GIGYF2: variants seen among roughly 807,000 people sequenced by gnomAD.
GIGYF2 encodes GRB10 interacting GYF protein 2, also known as GRB10-interacting GYF protein 2.
A neutral mutation model predicts 208.1 loss-of-function variants in GIGYF2; 25 were observed. The observed-to-expected ratio is 0.12, with a 90% CI of 0.09 to 0.17. GIGYF2 has a LOEUF of 0.17. Ranked by LOEUF, GIGYF2 falls within the 10% of genes least tolerant of loss-of-function variation. The probability of loss-of-function intolerance (pLI) is 1.00; values close to 1 mark genes in which losing one functional copy is unlikely to be tolerated. For missense variants in GIGYF2, 1,302 were observed against 1,579.4 expected (o/e 0.82, Z 2.98); for synonymous variants, 534 against 543.8 (o/e 0.98, Z 0.25).
chr2:232,813,460 G>A (rs1448662397), intron 18 of GIGYF2, among the ~76,000 whole-genome samples: 1 of 152,166 alleles, frequency 6.6e-6, no homozygotes, highest in Non-Finnish European at 1.5e-5. Context: ...GCCCACCTTG[G>A]CCTCCCAAAG....
At chr2:232,747,521 T>G in intron 3 of GIGYF2, 94 bp from the exon 4 acceptor site, 2 of 1,363,982 alleles carry the variant, frequency 1.5e-6, no homozygotes, top group Non-Finnish European at 2.1e-6. Context: ...TTTGCTCTTC[T>G]AAAGAACTAA....
At chr2:232,771,196 A>T in intron 8 of GIGYF2, 1 of 1,613,434 alleles carries the variant, frequency 6.2e-7, no homozygotes, top group Non-Finnish European at 8.5e-7. Flanking sequence ...GACCAACATC[A>T]TCCAACGCCA....
intron 5 of GIGYF2, among the ~76,000 whole-genome samples, chr2:232,754,027 T>C (rs113295311): frequency 0.19 from 28,917 of 151,988 alleles, 2,995 homozygotes; most frequent in Non-Finnish European, 0.22. Flanking sequence ...TAGCCAGGCA[T>C]GGTGGCATGC....
At chr2:232,782,869 A>G (rs577917599) in intron 8 of GIGYF2, 1 of 152,300 alleles carries the variant, frequency 6.6e-6, no homozygotes, top group South Asian at 2.1e-4. Context: ...GGAAGGGCTG[A>G]TTGGGAGGAC....
intron 8 of GIGYF2, among the ~76,000 whole-genome samples, chr2:232,785,299 A>G (rs1237553834): frequency 6.6e-6 from 1 of 152,148 alleles, no homozygotes; most frequent in Non-Finnish European, 1.5e-5. Flanking sequence ...GGGAATCTAG[A>G]AGCAGCTTAG....
In GIGYF2 at chr2:232,764,442, A is replaced by T. The variant is rs141120196; in HGVS notation, c.532+3006A>T. 3 of 152,458 alleles carry T rather than the reference A, an allele frequency of 2.0e-5. No individual in the cohort carries two copies. In the East Asian group the frequency reaches 5.8e-4, roughly 29 times the overall value. 9.4% of individuals were successfully genotyped at this position (152,458 alleles called of 1,614,324 possible). A position where few individuals can be genotyped will look rare whatever the true frequency, so the allele number is the denominator to read the frequency against. The stretch of plus-strand genomic sequence containing the variant: ...CTGGGACCACCCCTTGAAAGGGTCC[A>T]CACATTTGAGTAGGAGGGCTGGGGC... On this transcript the variant is annotated intron_variant, in intron 8 of 28. Transcript: ENST00000373563.
At chr2:232,813,187 CTT>C (rs894736273) in intron 18 of GIGYF2, among the ~76,000 whole-genome samples, 1,643 of 123,840 alleles carry the variant, frequency 0.013, 19 homozygotes, top group African/African-American at 0.046. Context: ...TCTTTGCTTT[CTT>C]TTTTTTTTTT....
At chr2:232,809,170 C>T (rs1458098500) in intron 15 of GIGYF2, among the ~76,000 whole-genome samples, 1 of 152,090 alleles carries the variant, frequency 6.6e-6, no homozygotes, top group Non-Finnish European at 1.5e-5. Flanking sequence ...ATCTCAATCC[C>T]CTGACCTCAT....
At chr2:232,831,524 A>T (rs1701424821) in intron 21 of GIGYF2, among the ~76,000 whole-genome samples, 1 of 152,222 alleles carries the variant, frequency 6.6e-6, no homozygotes, top group South Asian at 2.1e-4. Flanking sequence ...TGATGAATAT[A>T]CAAGAAGTAA....
rs768299075 is a variant in GIGYF2, at chr2:232,799,282, G to A, written c.1639+3061G>A. On this transcript the variant is annotated intron_variant, in intron 14 of 28. Transcript: ENST00000373563. The stretch of plus-strand genomic sequence containing the variant: ...CTATGGGCCAGGTGTGGTGGTTCAC[G>A]CCTGTAATTCTGACCCTTTGGGAGG... Among the ~76,000 whole-genome samples, 58 of 151,992 alleles carry A rather than the reference G, an allele frequency of 3.8e-4. 2 individuals carry two copies. The Middle Eastern group carries it at 0.02, about 53-fold the overall frequency.
intron 22 of GIGYF2, among the ~76,000 whole-genome samples, chr2:232,833,567 A>G (rs1280478252): frequency 6.6e-6 from 1 of 152,242 alleles, no homozygotes. Flanking sequence ...AGAGAGGAGT[A>G]AACAAGAGGA....
At chr2:232,765,679 AT>A (rs1698926713) in intron 8 of GIGYF2, 1 of 189,024 alleles carries the variant, frequency 5.3e-6, no homozygotes, top group Admixed American at 5.7e-5. Context: ...TTATTAAAAA[AT>A]AATCCATATG....
intron 6 of GIGYF2, among the ~76,000 whole-genome samples, chr2:232,759,852 T>C (rs1698678505): frequency 6.6e-6 from 1 of 152,160 alleles, no homozygotes. Flanking sequence ...TCTCAATCCC[T>C]ATGCCCAGAC....
rs1317890396 is a variant in GIGYF2, at chr2:232,761,405, A to G, written c.501A>G (p.Arg167=). 6.2e-6 allele frequency: 10 copies of G among 1,604,086 alleles called. No homozygotes were observed. Among genetic ancestry groups the G allele is most frequent in the Non-Finnish European group, 7.7e-6 (9 of 1,171,022 alleles). Residue 167 remains arginine, a synonymous_variant, in exon 8 of 29, where the codon AGA becomes AGG. Transcript: ENST00000373563. ...ATTTTTTCTTTTCCAGGGGTGACAGACGTTTTGAAAAACCAGGACGAAAAG... is the reference window on the plus strand; with the variant it reads ...ATTTTTTCTTTTCCAGGGGTGACAGGCGTTTTGAAAAACCAGGACGAAAAG... ...RSQSWEERGD[R]RFEKPGRKDV...
intron 17 of GIGYF2, among the ~76,000 whole-genome samples, chr2:232,811,861 C>G (rs1700743434): frequency 6.6e-6 from 1 of 152,186 alleles, no homozygotes; most frequent in African/African-American, 2.4e-5. Flanking sequence ...ATCTTATTGT[C>G]TCATTAAGCC....
intron 9 of GIGYF2, chr2:232,788,440 T>C (rs539281125): frequency 4.8e-5 from 17 of 356,040 alleles, no homozygotes; most frequent in South Asian, 9.2e-5. Flanking sequence ...CCAGATGTTA[T>C]AGTTCTCTAA....
chr2:232,712,721 TGGA>T (rs1696480208), intron 2 of GIGYF2, among the ~76,000 whole-genome samples: 1 of 152,250 alleles, frequency 6.6e-6, no homozygotes, highest in Admixed American at 6.5e-5. Flanking sequence ...TGAAAGAGTT[TGGA>T]GGTCCATAGA....
intron 3 of GIGYF2, chr2:232,736,347 T>A (rs778415845): frequency 4.6e-4 from 134 of 288,974 alleles, no homozygotes; most frequent in Non-Finnish European, 6.2e-4. Flanking sequence ...CAGAAATAAT[T>A]TCAACATCCA....
At chr2:232,751,016 A>G (rs1698319088) in intron 5 of GIGYF2, among the ~76,000 whole-genome samples, 1 of 152,060 alleles carries the variant, frequency 6.6e-6, no homozygotes, top group South Asian at 2.1e-4. Context: ...TTGTAGAGAC[A>G]GGATCTCGCT....
Sources: allele counts gnomAD v4.1 joint callset (sites outside exome capture counted in the v4.1 genomes callset), GRCh38; gene constraint gnomAD v4.1.1; transcripts MANE v1.5; gene names NCBI Gene and HGNC (gene_info 2026-07-23, HGNC 2026-07-21).